Variants in MTUS2 observed in about 807,000 individuals in gnomAD.
The protein encoded by MTUS2 is microtubule-associated tumor suppressor candidate 2.
A neutral mutation model predicts 114.1 loss-of-function variants in MTUS2; 40 were observed. That is an observed-to-expected ratio of 0.35 (90% confidence interval 0.27 to 0.46). MTUS2 has a LOEUF of 0.46. Ranked by LOEUF, MTUS2 falls within the 20% of genes least tolerant of loss-of-function variation. The pLI, the probability that MTUS2 is intolerant of heterozygous loss-of-function variation, is 1.00. For missense variants in MTUS2, 1,679 were observed against 1,705.4 expected (o/e 0.98, Z 0.27); for synonymous variants, 688 against 672.0 (o/e 1.02, Z -0.37).
At chr13:29,461,210 G>T (rs1217109119) in intron 9 of MTUS2, among the ~76,000 whole-genome samples, 4 of 151,800 alleles carry the variant, frequency 2.6e-5, no homozygotes, top group African/African-American at 9.7e-5. Flanking sequence ...AGGGAAGGGG[G>T]GGTGAACTCA....
intron 5 of MTUS2, among the ~76,000 whole-genome samples, chr13:29,180,580 T>G (rs1431430365): frequency 6.6e-6 from 1 of 152,232 alleles, no homozygotes; most frequent in African/African-American, 2.4e-5. Flanking sequence ...CAGATAAATC[T>G]ATAGCATGTG....
chr13:29,216,558 GA>G (rs780386775), intron 5 of MTUS2, among the ~76,000 whole-genome samples: 3 of 152,200 alleles, frequency 2.0e-5, no homozygotes, highest in Non-Finnish European at 4.4e-5. Flanking sequence ...GTGGGAAAAG[GA>G]TAGTATCTGG....
intron 7 of MTUS2, among the ~76,000 whole-genome samples, chr13:29,325,779 C>G (rs980664276): frequency 6.6e-6 from 1 of 152,166 alleles, no homozygotes; most frequent in African/African-American, 2.4e-5. Flanking sequence ...TCCACAAAAA[C>G]TCTGTGAGAC....
chr13:29,174,033 G>A (rs1927833), intron 5 of MTUS2, among the ~76,000 whole-genome samples: 89,334 of 151,920 alleles, frequency 0.59, 26,503 homozygotes, highest in African/African-American at 0.64. Context: ...CATTGTGCTT[G>A]CAAAGGGAGT....
intron 2 of MTUS2, among the ~76,000 whole-genome samples, chr13:28,854,750 C>T (rs79115900): frequency 0.031 from 4,701 of 152,248 alleles, 249 homozygotes; most frequent in African/African-American, 0.11. Context: ...TTCCGCTTTT[C>T]AGTCTAGCCA....
At chr13:29,079,803 AC>A (rs1293347500) in intron 4 of MTUS2, among the ~76,000 whole-genome samples, 1 of 152,182 alleles carries the variant, frequency 6.6e-6, no homozygotes, top group East Asian at 1.9e-4. Context: ...GTAGCTTTAC[AC>A]TAAGCTTTGA....
intron 9 of MTUS2, among the ~76,000 whole-genome samples, chr13:29,465,086 G>A (rs539860546): frequency 2.6e-5 from 4 of 152,156 alleles, no homozygotes; most frequent in Non-Finnish European, 5.9e-5. Context: ...CTTTTGTGAC[G>A]TTCAATAACC....
intron 5 of MTUS2, among the ~76,000 whole-genome samples, chr13:29,111,075 A>G (rs1024664703): frequency 2.0e-5 from 3 of 152,198 alleles, no homozygotes; most frequent in Non-Finnish European, 4.4e-5. Flanking sequence ...CTGGTATTCT[A>G]TGACTTTATT....
At chr13:28,975,948 G>C (rs530249598) in intron 2 of MTUS2, among the ~76,000 whole-genome samples, 8 of 152,206 alleles carry the variant, frequency 5.3e-5, no homozygotes, top group Non-Finnish European at 1.2e-4. Flanking sequence ...AGGGAGGACT[G>C]AGGTGGGCAC....
At chr13:29,099,511 T>TA (rs36073198) in intron 4 of MTUS2, among the ~76,000 whole-genome samples, 1 of 152,168 alleles carries the variant, frequency 6.6e-6, no homozygotes, top group Non-Finnish European at 1.5e-5. Context: ...TGCTGCTCTC[T>TA]TATTCCCACA....
intron 2 of MTUS2, among the ~76,000 whole-genome samples, chr13:28,891,687 G>T (rs186559359): frequency 1.3e-5 from 2 of 151,960 alleles, no homozygotes; most frequent in East Asian, 3.9e-4. Flanking sequence ...AGACTACCCT[G>T]ACCAACATGG....
intron 8 of MTUS2, among the ~76,000 whole-genome samples, chr13:29,418,038 C>T (rs747238542): frequency 6.6e-6 from 1 of 152,098 alleles, no homozygotes; most frequent in Non-Finnish European, 1.5e-5. Context: ...GTCTTGCCTA[C>T]ATTTCCTGAC....
intron 5 of MTUS2, among the ~76,000 whole-genome samples, chr13:29,190,414 G>A (rs1278062573): frequency 2.6e-5 from 4 of 152,234 alleles, no homozygotes; most frequent in Non-Finnish European, 5.9e-5. Flanking sequence ...AAGCTGGCAA[G>A]TGGTGGAGCT....
chr13:28,937,458 G>A (rs1024719234), intron 2 of MTUS2, among the ~76,000 whole-genome samples: 3 of 152,144 alleles, frequency 2.0e-5, no homozygotes, highest in Non-Finnish European at 2.9e-5. Flanking sequence ...CCACACTGTG[G>A]AAGCTTTGTT....
chr13:28,860,015 A>T (rs902478747), intron 2 of MTUS2, among the ~76,000 whole-genome samples: 3 of 152,190 alleles, frequency 2.0e-5, no homozygotes, highest in African/African-American at 7.2e-5. Context: ...GATTTATATT[A>T]CATTTAGTTG....
chr13:29,022,039 G>A lies in MTUS2; in HGVS notation c.-242-2418G>A, dbSNP rs930961817. ...AAAGAACAGAAGAGCAGTGTGGTACGGAAATGCAAGCGCACATGCACATGT... is the reference window on the plus strand; with the variant it reads ...AAAGAACAGAAGAGCAGTGTGGTACAGAAATGCAAGCGCACATGCACATGT... On this transcript the variant is annotated intron_variant, in intron 2 of 15. Transcript: ENST00000612955. Among the ~76,000 whole-genome samples, 22 of 152,294 alleles carry A rather than the reference G, an allele frequency of 1.4e-4. 1 individual carries two copies. Among genetic ancestry groups the A allele is most frequent in the African/African-American group, 4.8e-4 (20 of 41,572 alleles).
intron 5 of MTUS2, among the ~76,000 whole-genome samples, chr13:29,212,009 T>A (rs1420150723): frequency 2.0e-5 from 3 of 152,182 alleles, no homozygotes; most frequent in Non-Finnish European, 4.4e-5. Context: ...TTGACTCTTC[T>A]TCTGCTTATA....
chr13:29,346,741 G>A (rs1438952625), intron 7 of MTUS2, among the ~76,000 whole-genome samples: 3 of 145,112 alleles, frequency 2.1e-5, no homozygotes, highest in Non-Finnish European at 4.4e-5. Flanking sequence ...CCTTCTCCCT[G>A]TGGTCTTTCC....
At chr13:29,500,589 T>C (rs1184261771) in intron 14 of MTUS2, among the ~76,000 whole-genome samples, 1 of 152,156 alleles carries the variant, frequency 6.6e-6, no homozygotes, top group Non-Finnish European at 1.5e-5. Flanking sequence ...GCTTACATTA[T>C]TTAGATTTCC....
Sources: allele counts gnomAD v4.1 joint callset (sites outside exome capture counted in the v4.1 genomes callset), GRCh38; gene constraint gnomAD v4.1.1; transcripts MANE v1.5; gene names NCBI Gene and HGNC (gene_info 2026-07-23, HGNC 2026-07-21).